KDM6A: variants seen among roughly 807,000 people sequenced by gnomAD.
KDM6A encodes the protein lysine-specific demethylase 6A.
KDM6A carries 11 observed loss-of-function variants against 117.6 expected under a neutral mutation model. The observed-to-expected ratio is 0.09, with a 90% CI of 0.06 to 0.15. The LOEUF is 0.15. KDM6A is among the 10% of genes least tolerant of loss of function. KDM6A has a pLI of 1.00. For missense variants in KDM6A, 799 were observed against 1,077.3 expected (o/e 0.74, Z 3.62); for synonymous variants, 384 against 396.1 (o/e 0.97, Z 0.36).
chrX:44,888,616 A>C (rs954549190), intron 2 of KDM6A, among the ~76,000 whole-genome samples: 2 of 112,207 alleles, frequency 1.8e-5, no homozygotes, highest in African/African-American at 6.5e-5. Flanking sequence ...AATGAAATTG[A>C]GATTTGTATG....
Position 45,041,387 on chromosome X carries a change from A to C in KDM6A, c.654+3698A>C, listed in dbSNP as rs866020210. ...CCCAGTAGGGGCGGCCGGGCAGAGGAGCCCCTCACCTCCCGGACGGGGCAG... is the reference window on the plus strand; with the variant it reads ...CCCAGTAGGGGCGGCCGGGCAGAGGCGCCCCTCACCTCCCGGACGGGGCAG... On this transcript the variant is annotated intron_variant, in intron 8 of 29. Transcript: ENST00000611820. Among the ~76,000 whole-genome samples the C allele has an allele frequency of 6.1e-3, 407 of 66,217 alleles. 1 individual carries two copies. Among genetic ancestry groups the C allele is most frequent in the Middle Eastern group, 0.046 (3 of 65 alleles). The allele number at this position is 66,217 out of a possible 115,157, so 57.5% of individuals were successfully genotyped here. A position where few individuals can be genotyped will look rare whatever the true frequency, so the allele number is the denominator to read the frequency against.
intron 2 of KDM6A, among the ~76,000 whole-genome samples, chrX:44,895,207 G>T (rs760087640): frequency 9.2e-6 from 1 of 108,787 alleles, no homozygotes; most frequent in Admixed American, 1.0e-4. Flanking sequence ...CTGGGTTTGC[G>T]CCATTCTCCT....
intron 4 of KDM6A, among the ~76,000 whole-genome samples, chrX:45,003,481 G>C (rs899647698): frequency 9.5e-6 from 1 of 105,625 alleles, no homozygotes; most frequent in African/African-American, 3.5e-5. Context: ...GAATGTATTA[G>C]GGCCATCTGC....
intron 4 of KDM6A, among the ~76,000 whole-genome samples, chrX:44,981,477 T>C (rs1308773489): frequency 7.1e-5 from 8 of 111,897 alleles, no homozygotes; most frequent in Non-Finnish European, 1.9e-5. Context: ...GGACTTCCGC[T>C]TGTGCAGCTA....
chrX:44,873,408 A>G lies in KDM6A; in HGVS notation c.-144A>G, dbSNP rs1242026836. On this transcript the variant is annotated 5_prime_UTR_variant, in exon 1 of 30. Coordinates refer to ENST00000611820, the MANE Select transcript of KDM6A (RefSeq NM_001291415.2). Reference sequence around the variant, plus strand: ...CCGCCTTCACCGCCGCCGCGTTGGGATTTTTCGTCGCCGCCGCCCGCGGCG... The same window carrying G: ...CCGCCTTCACCGCCGCCGCGTTGGGGTTTTTCGTCGCCGCCGCCCGCGGCG... The G allele has an allele frequency of 3.5e-6, 3 of 858,850 alleles. No homozygotes were observed. The highest frequency in any genetic ancestry group is 6.7e-5 in the Admixed American group (2 of 30,009). The allele number at this position is 858,850 out of a possible 1,213,427, so 70.8% of individuals were successfully genotyped here. A position where few individuals can be genotyped will look rare whatever the true frequency, so the allele number is the denominator to read the frequency against.
chrX:45,013,136 G>GGTGT (rs1406715975), intron 5 of KDM6A, among the ~76,000 whole-genome samples: 3 of 110,635 alleles, frequency 2.7e-5, no homozygotes, highest in South Asian at 7.7e-4. Flanking sequence ...AAAGCAAGGG[G>GGTGT]GTGTGTGTGT....
At chrX:45,087,178 A>G (rs1187743575) in intron 25 of KDM6A, among the ~76,000 whole-genome samples, 1 of 111,781 alleles carries the variant, frequency 8.9e-6, no homozygotes, top group African/African-American at 3.2e-5. Flanking sequence ...TTTAGTAGAG[A>G]CAGGGTTTCA....
chrX:44,873,389 T>C lies in KDM6A; in HGVS notation c.-163T>C, dbSNP rs2146438555. ...GCCCCTGCCGCCGCCGCCGCCGCCT[T>C]CACCGCCGCCGCGTTGGGATTTTTC... On this transcript the variant is annotated 5_prime_UTR_variant, in exon 1 of 30. Transcript: ENST00000611820. 1.4e-6 allele frequency: 1 copy of C among 708,710 alleles called. No individual in the cohort carries two copies. Among genetic ancestry groups the C allele is most frequent in the East Asian group, 3.9e-5 (1 of 25,696 alleles). 58.4% of individuals were successfully genotyped at this position (708,710 alleles called of 1,213,427 possible). A position where few individuals can be genotyped will look rare whatever the true frequency, so the allele number is the denominator to read the frequency against.
intron 4 of KDM6A, among the ~76,000 whole-genome samples, chrX:44,996,282 C>T (rs1304753663): frequency 9.1e-6 from 1 of 109,374 alleles, no homozygotes; most frequent in East Asian, 3.0e-4. Flanking sequence ...ACTATGTTGC[C>T]CAGGCTGGTC....
intron 4 of KDM6A, among the ~76,000 whole-genome samples, chrX:45,004,742 A>AG (rs2041342208): frequency 9.0e-6 from 1 of 111,350 alleles, no homozygotes; most frequent in Admixed American, 9.5e-5. Context: ...TTATTGTCCC[A>AG]CCAGGGGTCT....
At chrX:45,085,490 A>C (rs1408991881) in intron 24 of KDM6A, among the ~76,000 whole-genome samples, 1 of 111,990 alleles carries the variant, frequency 8.9e-6, no homozygotes, top group Non-Finnish European at 1.9e-5. Flanking sequence ...AAAACAACCC[A>C]ACAATTTATA....
chrX:45,085,757 AT>A, intron 24 of KDM6A, 107 bp from the exon 25 acceptor site: 3 of 502,893 alleles, frequency 6.0e-6, no homozygotes, highest in Non-Finnish European at 3.6e-6. Flanking sequence ...CCAAAGACCC[AT>A]TTTTCTATAG....
chrX:44,898,787 C>G (rs1268994767), intron 2 of KDM6A, among the ~76,000 whole-genome samples: 1 of 110,308 alleles, frequency 9.1e-6, no homozygotes, highest in Non-Finnish European at 1.9e-5. Context: ...AAGATCAATT[C>G]CCTGTTTTGT....
chrX:44,906,568 TA>T (rs1240267725), intron 2 of KDM6A, among the ~76,000 whole-genome samples: 63 of 106,512 alleles, frequency 5.9e-4, no homozygotes, highest in African/African-American at 1.4e-3. Context: ...GCTTCCAGAA[TA>T]AAAAAAAAAA....
intron 4 of KDM6A, among the ~76,000 whole-genome samples, chrX:45,003,252 G>C (rs1455687582): frequency 9.0e-6 from 1 of 110,620 alleles, no homozygotes; most frequent in Admixed American, 9.6e-5. Context: ...CCCAGGAGGA[G>C]GGAGGAACTG....
intron 2 of KDM6A, among the ~76,000 whole-genome samples, chrX:44,928,445 C>T (rs373977080): frequency 7.2e-5 from 8 of 111,406 alleles, no homozygotes; most frequent in African/African-American, 1.3e-4. Flanking sequence ...AAACATCCGA[C>T]GATGGGGGTT....
At chrX:44,959,594 C>T (rs1475932582) in intron 2 of KDM6A, among the ~76,000 whole-genome samples, 3 of 110,739 alleles carry the variant, frequency 2.7e-5, no homozygotes, top group Non-Finnish European at 5.7e-5. Flanking sequence ...AATACGCTCA[C>T]TATTATGAGA....
chrX:44,956,694 G>A (rs2038350543), intron 2 of KDM6A, among the ~76,000 whole-genome samples: 1 of 111,974 alleles, frequency 8.9e-6, no homozygotes. Flanking sequence ...ATAGGCGTGA[G>A]CCATCGTGCC....
At chrX:44,984,331 A>C (rs1333006958) in intron 4 of KDM6A, among the ~76,000 whole-genome samples, 1 of 111,325 alleles carries the variant, frequency 9.0e-6, no homozygotes, top group Non-Finnish European at 1.9e-5. Flanking sequence ...AGATGAGTAG[A>C]TTGTAAAAAT....
Sources: gnomAD v4.1 joint callset for allele counts (sites outside exome capture counted in the v4.1 genomes callset) on GRCh38, gnomAD v4.1.1 for gene constraint, MANE v1.5 for transcripts, NCBI Gene and HGNC (gene_info 2026-07-23, HGNC 2026-07-21) for gene names.